The following MLLT1 variants were observed in gnomAD, a reference collection of about 807,000 sequenced individuals.
MLLT1 encodes the protein protein ENL.
In MLLT1, 11 loss-of-function variants were observed where a neutral mutation model predicts 55.1. The observed-to-expected ratio is 0.20, with a 90% CI of 0.13 to 0.33. MLLT1 has a LOEUF of 0.33. Ranked by LOEUF, MLLT1 falls within the 10% of genes least tolerant of loss-of-function variation. The probability of loss-of-function intolerance (pLI) is 1.00; values close to 1 mark genes in which losing one functional copy is unlikely to be tolerated. For missense variants in MLLT1, 536 were observed against 760.6 expected (o/e 0.70, Z 3.47); for synonymous variants, 323 against 320.1 (o/e 1.01, Z -0.10).
intron 3 of MLLT1, among the ~76,000 whole-genome samples, chr19:6,243,310 GC>G (rs1286886787): frequency 6.6e-6 from 1 of 152,106 alleles, no homozygotes; most frequent in Non-Finnish European, 1.5e-5. Context: ...GGGCATCAAA[GC>G]CTCCCAGGTC....
chr19:6,221,417 G>A (rs914325462), intron 6 of MLLT1, among the ~76,000 whole-genome samples: 6 of 152,254 alleles, frequency 3.9e-5, no homozygotes, highest in African/African-American at 1.4e-4. Context: ...CATGTCTGAT[G>A]CAGTCCTCTG....
At chr19:6,255,703 T>C (rs1395160355) in intron 3 of MLLT1, among the ~76,000 whole-genome samples, 1 of 152,172 alleles carries the variant, frequency 6.6e-6, no homozygotes, top group Non-Finnish European at 1.5e-5. Flanking sequence ...TCCAATATAA[T>C]TTTTTGCAAA....
At chr19:6,215,195 C>T (rs1404140292) in intron 8 of MLLT1, among the ~76,000 whole-genome samples, 1 of 152,274 alleles carries the variant, frequency 6.6e-6, no homozygotes, top group Non-Finnish European at 1.5e-5. Context: ...CCGGCAAGCC[C>T]TCACCCAGGG....
intron 8 of MLLT1, among the ~76,000 whole-genome samples, chr19:6,214,442 G>A (rs895609702): frequency 4.6e-5 from 7 of 152,272 alleles, no homozygotes; most frequent in Admixed American, 1.3e-4. Context: ...ATGGCCGCCC[G>A]TCCCTCCGAT....
At chr19:6,261,201 TCTC>T (rs1314626732) in intron 3 of MLLT1, among the ~76,000 whole-genome samples, 8 of 152,172 alleles carry the variant, frequency 5.3e-5, no homozygotes, top group Non-Finnish European at 8.8e-5. Flanking sequence ...GTTCGGCTCT[TCTC>T]CCAGCGGGGC....
At chr19:6,249,653 A>G (rs2091197636) in intron 3 of MLLT1, among the ~76,000 whole-genome samples, 1 of 152,194 alleles carries the variant, frequency 6.6e-6, no homozygotes, top group African/African-American at 2.4e-5. Context: ...AGCTCAGGGA[A>G]GTTCCCATCA....
Position 6,265,057 on chromosome 19 carries a change from CAAAAAAACA to C in MLLT1, c.194-2756_194-2748del, listed in dbSNP as rs2091337826. On this transcript the variant is annotated intron_variant, in intron 2 of 11. Transcript: ENST00000252674. ...GAACAGCAAAAAAAAAACAAAAAAA[CAAAAAAACA>C]AAAAAAAACATGATGTCATAAAGCA... 1.5e-4 allele frequency among the ~76,000 whole-genome samples: 5 copies of C among 32,602 alleles called. 1 individual carries two copies. In the South Asian group the frequency reaches 3.8e-3, roughly 25 times the overall value. 21.4% of individuals were successfully genotyped at this position (32,602 alleles called of 152,430 possible).
intron 5 of MLLT1, among the ~76,000 whole-genome samples, chr19:6,225,255 C>T (rs1332776587): frequency 6.6e-6 from 1 of 152,196 alleles, no homozygotes; most frequent in East Asian, 1.9e-4. Flanking sequence ...CTAAAGCTGC[C>T]GCAGCTGCAC....
At chr19:6,275,746 C>G (rs1490243086) in intron 1 of MLLT1, among the ~76,000 whole-genome samples, 1 of 152,218 alleles carries the variant, frequency 6.6e-6, no homozygotes, top group Non-Finnish European at 1.5e-5. Context: ...AGAAGGCACT[C>G]AATGAATTTC....
chr19:6,213,506 G>T, intron 10 of MLLT1, 98 bp from the exon 11 acceptor site: 2 of 1,176,990 alleles, frequency 1.7e-6, no homozygotes, highest in Middle Eastern at 1.9e-4. Flanking sequence ...TCCCAGCACA[G>T]GACAGAGGTA....
At chr19:6,277,132 C>A (rs1485195035) in intron 1 of MLLT1, among the ~76,000 whole-genome samples, 1 of 152,252 alleles carries the variant, frequency 6.6e-6, no homozygotes, top group Non-Finnish European at 1.5e-5. Flanking sequence ...CCCGCAGGGA[C>A]ACTGACCACC....
chr19:6,214,715 G>A (rs1291881402), intron 8 of MLLT1, among the ~76,000 whole-genome samples: 2 of 152,144 alleles, frequency 1.3e-5, no homozygotes, highest in African/African-American at 4.8e-5. Flanking sequence ...GTCCCGCTCT[G>A]CCAGGGATAT....
intron 3 of MLLT1, among the ~76,000 whole-genome samples, chr19:6,254,030 G>A (rs1600205666): frequency 6.6e-6 from 1 of 152,188 alleles, no homozygotes; most frequent in African/African-American, 2.4e-5. Context: ...CGTTCATGAG[G>A]TGTCTGCTGA....
At chr19:6,225,434 G>T (rs2090946238) in intron 5 of MLLT1, among the ~76,000 whole-genome samples, 1 of 152,242 alleles carries the variant, frequency 6.6e-6, no homozygotes, top group Non-Finnish European at 1.5e-5. Flanking sequence ...AGGTCGCTCA[G>T]CTGGGGAAGA....
At chr19:6,245,823 C>T (rs2091162949) in intron 3 of MLLT1, among the ~76,000 whole-genome samples, 1 of 152,170 alleles carries the variant, frequency 6.6e-6, no homozygotes, top group Non-Finnish European at 1.5e-5. Context: ...TGCTTAAGTC[C>T]AGGAGACAGA....
rs2090999277 is a variant in MLLT1 at position 6,230,512 on chromosome 19, G to A, written c.420+58C>T. The stretch of plus-strand genomic sequence containing the variant: ...CACCTCTGGCTGGGCACAGACGGCC[G>A]CAGCAAAGTAGCCTCGGTGGAGCGG... On this transcript the variant is annotated intron_variant, in intron 4 of 11. Coordinates refer to ENST00000252674, the MANE Select transcript of MLLT1 (RefSeq NM_005934.4). The surrounding 1 kb of genome is among the most constrained non-coding windows in gnomAD (Gnocchi z 9.0). 31 of 1,594,572 alleles carry A rather than the reference G, an allele frequency of 1.9e-5. No individual in the cohort carries two copies. Among genetic ancestry groups the A allele is most frequent in the East Asian group, 1.8e-4 (8 of 44,750 alleles).
At chr19:6,220,153 G>A (rs1400787964) in intron 6 of MLLT1, among the ~76,000 whole-genome samples, 2 of 152,256 alleles carry the variant, frequency 1.3e-5, no homozygotes, top group African/African-American at 4.8e-5. Flanking sequence ...CCCAGCTGGT[G>A]CAGATTCTTC....
intron 3 of MLLT1, among the ~76,000 whole-genome samples, chr19:6,243,135 G>A (rs1425438602): frequency 6.6e-6 from 1 of 152,240 alleles, no homozygotes; most frequent in African/African-American, 2.4e-5. Flanking sequence ...AAAGTCTGCT[G>A]GGAACGTAAA....
In MLLT1 at chr19:6,212,135, G is replaced by C. The variant is rs2090779487; in HGVS notation, c.*907C>G. On this transcript the variant is annotated 3_prime_UTR_variant, in exon 12 of 12. Coordinates refer to ENST00000252674, the MANE Select transcript of MLLT1 (RefSeq NM_005934.4). ...CCTATGGGAGGAGGCCGAGCCCCAG[G>C]GCGGCTGATGCGAGTCTGTCCGCGG... The C allele has an allele frequency of 9.4e-7, 1 of 1,066,528 alleles. No homozygotes were observed. The highest frequency in any genetic ancestry group is 1.6e-5 in the African/African-American group (1 of 61,232). The allele number at this position is 1,066,528 out of a possible 1,614,324, so 66.1% of individuals were successfully genotyped here. A position where few individuals can be genotyped will look rare whatever the true frequency, so the allele number is the denominator to read the frequency against.
Sources: allele counts gnomAD v4.1 joint callset (sites outside exome capture counted in the v4.1 genomes callset), GRCh38; gene constraint gnomAD v4.1.1; non-coding constraint Gnocchi (gnomAD v3.1); transcripts MANE v1.5; gene names NCBI Gene and HGNC (gene_info 2026-07-23, HGNC 2026-07-21).